ZBTB7C: variants seen among roughly 807,000 people sequenced by gnomAD.
ZBTB7C encodes zinc finger and BTB domain-containing protein 7C.
Under a neutral mutation model 25.7 loss-of-function variants are expected in ZBTB7C, and 8 were observed. The observed-to-expected ratio is 0.31, with a 90% confidence interval of 0.18 to 0.56. The LOEUF (loss-of-function observed/expected upper bound fraction) is 0.56. ZBTB7C is among the 20% of genes least tolerant of loss of function. ZBTB7C has a pLI of 0.91. For synonymous variants in ZBTB7C, 394 were observed against 369.0 expected, an observed-to-expected ratio of 1.07 and a Z score of -0.78; for missense variants, 824 against 855.2, an observed-to-expected ratio of 0.96 and a Z score of 0.46.
intron 2 of ZBTB7C, among the ~76,000 whole-genome samples, chr18:48,325,453 C>T (rs899482554): frequency 1.3e-5 from 2 of 152,178 alleles, no homozygotes; most frequent in African/African-American, 4.8e-5. Flanking sequence ...GTGTGAAATA[C>T]CCCTTTTTCA....
chr18:48,349,156 C>T (rs1323973034), intron 1 of ZBTB7C, among the ~76,000 whole-genome samples: 2 of 152,192 alleles, frequency 1.3e-5, no homozygotes, highest in African/African-American at 4.8e-5. Flanking sequence ...TGCTCAGTGG[C>T]TCCTTCAAAT....
intron 2 of ZBTB7C, among the ~76,000 whole-genome samples, chr18:48,254,279 C>T (rs1005981888): frequency 2.6e-5 from 4 of 152,188 alleles, no homozygotes; most frequent in Admixed American, 6.5e-5. Context: ...TTCAAAATGG[C>T]GGTTCCATCT....
intron 2 of ZBTB7C, among the ~76,000 whole-genome samples, chr18:48,335,794 A>G (rs1177214012): frequency 2.0e-5 from 3 of 152,228 alleles, no homozygotes; most frequent in Non-Finnish European, 4.4e-5. Flanking sequence ...CTCATTCATA[A>G]TTTTTATGCT....
At chr18:48,049,059 A>C (rs2036584052) in intron 3 of ZBTB7C, among the ~76,000 whole-genome samples, 1 of 152,152 alleles carries the variant, frequency 6.6e-6, no homozygotes, top group Non-Finnish European at 1.5e-5. Context: ...TGTGGGAGTT[A>C]TTTATAGCCT....
At chr18:48,134,791 G>T (rs1162109032) in intron 3 of ZBTB7C, among the ~76,000 whole-genome samples, 2 of 152,236 alleles carry the variant, frequency 1.3e-5, no homozygotes, top group Admixed American at 1.3e-4. Context: ...GTCATCTCCA[G>T]CTGGCATGTG....
chr18:48,409,845 G>A (rs1161497516), upstream of ZBTB7C, among the ~76,000 whole-genome samples: 1 of 146,784 alleles, frequency 6.8e-6, no homozygotes, highest in Admixed American at 6.6e-5. Flanking sequence ...GACAGCCCCG[G>A]CAGAGGCGAG....
chr18:48,153,154 T>G (rs992797198), intron 3 of ZBTB7C, among the ~76,000 whole-genome samples: 1 of 152,220 alleles, frequency 6.6e-6, no homozygotes, highest in African/African-American at 2.4e-5. Flanking sequence ...TTTAAAGGCA[T>G]AGGGAGGCAC....
chr18:48,174,205 T>C (rs1355733830), intron 3 of ZBTB7C, among the ~76,000 whole-genome samples: 1 of 152,078 alleles, frequency 6.6e-6, no homozygotes, highest in African/African-American at 2.4e-5. Flanking sequence ...ACATATATCA[T>C]AGACAAAGGG....
intron 3 of ZBTB7C, among the ~76,000 whole-genome samples, chr18:48,072,287 C>T (rs55794306): frequency 0.16 from 24,568 of 152,144 alleles, 2,556 homozygotes; most frequent in South Asian, 0.23. Context: ...AGACCCCAAA[C>T]GGGGATAAAA....
Position 48,040,917 on chromosome 18 carries a change from G to A in ZBTB7C, c.191C>T (p.Thr64Ile), listed in dbSNP as rs751825288. The A allele has an allele frequency of 6.2e-7, 1 of 1,614,198 alleles. No homozygotes were observed. The highest frequency in any genetic ancestry group is 8.5e-7 in the Non-Finnish European group (1 of 1,180,036). ...ACSKYFKKLF[T>I]AGTLASQPYV... Reference sequence around the variant, plus strand: ...GGGCTGGCTGGCTAGGGTGCCGGCTGTGAAAAGCTTCTTGAAGTACTTGCT... The same window carrying A: ...GGGCTGGCTGGCTAGGGTGCCGGCTATGAAAAGCTTCTTGAAGTACTTGCT... The change falls in exon 4 of 5, where the codon ACA (threonine) becomes ATA (isoleucine). Residue 64 changes from threonine (T) to isoleucine (I), a missense_variant. By Grantham distance (89) the Thr-to-Ile change is moderately conservative (BLOSUM62 -1). Coordinates refer to ENST00000590800, the MANE Select transcript of ZBTB7C (RefSeq NM_001318841.2).
chr18:48,324,615 T>C (rs1367073527), intron 2 of ZBTB7C, among the ~76,000 whole-genome samples: 6 of 152,072 alleles, frequency 3.9e-5, no homozygotes, highest in Non-Finnish European at 8.8e-5. Flanking sequence ...GGGAAGAGGA[T>C]GCTAGAGGAG....
intron 3 of ZBTB7C, among the ~76,000 whole-genome samples, chr18:48,155,216 T>C (rs13382006): frequency 0.02 from 3,113 of 152,192 alleles, 114 homozygotes; most frequent in African/African-American, 0.071. Flanking sequence ...ATTTGTCCTA[T>C]GTTCCAAACA....
chr18:48,076,614 T>A (rs1177287419), intron 3 of ZBTB7C, among the ~76,000 whole-genome samples: 1 of 152,126 alleles, frequency 6.6e-6, no homozygotes, highest in African/African-American at 2.4e-5. Flanking sequence ...CACGACTAAT[T>A]TCCAAAGCAG....
intron 3 of ZBTB7C, among the ~76,000 whole-genome samples, chr18:48,065,325 T>C (rs1196426470): frequency 6.6e-6 from 1 of 151,844 alleles, no homozygotes; most frequent in African/African-American, 2.4e-5. Context: ...AATGAATCTC[T>C]CTCTCTCTCT....
At chr18:48,404,801 G>A (rs1224093227) in intron 1 of ZBTB7C, among the ~76,000 whole-genome samples, 2 of 152,150 alleles carry the variant, frequency 1.3e-5, no homozygotes, top group African/African-American at 4.8e-5. Flanking sequence ...TGCCCAGCCC[G>A]CAGCATTCAT....
intron 3 of ZBTB7C, among the ~76,000 whole-genome samples, chr18:48,134,416 C>A (rs1489060035): frequency 6.6e-6 from 1 of 151,900 alleles, no homozygotes; most frequent in African/African-American, 2.4e-5. Context: ...CGAAGGAGGA[C>A]AGGATTCTCA....
chr18:48,295,038 A>G (rs995757799), intron 2 of ZBTB7C, among the ~76,000 whole-genome samples: 3 of 152,050 alleles, frequency 2.0e-5, no homozygotes, highest in African/African-American at 7.2e-5. Context: ...GAGAGGGCAC[A>G]CACCAGGCCT....
At chr18:48,381,143 ACTT>A (rs1204629352) in intron 1 of ZBTB7C, among the ~76,000 whole-genome samples, 2 of 152,238 alleles carry the variant, frequency 1.3e-5, no homozygotes, top group African/African-American at 2.4e-5. Flanking sequence ...TGTTCCATGT[ACTT>A]CTTCTTAGGA....
At chr18:48,366,949 G>A (rs1368039488) in intron 1 of ZBTB7C, among the ~76,000 whole-genome samples, 1 of 151,828 alleles carries the variant, frequency 6.6e-6, no homozygotes, top group Admixed American at 6.6e-5. Context: ...CCGCACTGGT[G>A]ACAGAGACTG....
Sources: gnomAD v4.1 joint callset for allele counts (sites outside exome capture counted in the v4.1 genomes callset) on GRCh38, gnomAD v4.1.1 for gene constraint, MANE v1.5 for transcripts, NCBI Gene and HGNC (gene_info 2026-07-23, HGNC 2026-07-21) for gene names.